C10orf90: variants seen among roughly 807,000 people sequenced by gnomAD.
C10orf90 encodes chromosome 10 open reading frame 90.
Under a neutral mutation model 62.5 loss-of-function variants are expected in C10orf90, and 56 were observed. The observed-to-expected ratio is 0.90, with a 90% confidence interval of 0.72 to 1.12. C10orf90 has a LOEUF of 1.12. Ranked by LOEUF, C10orf90 falls within the 50% of genes most tolerant of loss-of-function variation. The probability of loss-of-function intolerance (pLI) is 0.00; values close to 1 mark genes in which losing one functional copy is unlikely to be tolerated. For synonymous variants in C10orf90, 386 were observed against 340.4 expected (o/e 1.13, Z -1.47); for missense variants, 970 against 880.4 (o/e 1.10, Z -1.29).
intron 2 of C10orf90, among the ~76,000 whole-genome samples, chr10:126,621,714 TGTTTTTTCTGAGGCC>T (rs1405277393): frequency 2.0e-5 from 3 of 152,256 alleles, no homozygotes; most frequent in Non-Finnish European, 2.9e-5. Flanking sequence ...TCTTATGGAT[TGTTTTTTCTGAGGCC>T]GTTCCACTCA....
At chr10:126,576,081 C>T (rs7897423) in intron 2 of C10orf90, among the ~76,000 whole-genome samples, 5,214 of 152,008 alleles carry the variant, frequency 0.034, 304 homozygotes, top group African/African-American at 0.12. Flanking sequence ...TGGGATTATA[C>T]AGCAAACTGA....
intron 6 of C10orf90, among the ~76,000 whole-genome samples, 188 bp downstream of exon 6, chr10:126,461,213 T>C (rs1299699533): frequency 6.6e-6 from 1 of 152,186 alleles, no homozygotes; most frequent in African/African-American, 2.4e-5. Context: ...TCAGTGTCAT[T>C]ATCTCCATTA....
At chr10:126,438,151 T>G (rs1011258320) in intron 7 of C10orf90, among the ~76,000 whole-genome samples, 1 of 152,150 alleles carries the variant, frequency 6.6e-6, no homozygotes, top group African/African-American at 2.4e-5. Flanking sequence ...GCAAGCTTCC[T>G]GTGAGGCAAA....
chr10:126,517,514 T>G (rs906871031), intron 2 of C10orf90, among the ~76,000 whole-genome samples: 2 of 152,188 alleles, frequency 1.3e-5, no homozygotes, highest in African/African-American at 4.8e-5. Context: ...GCTGGGGAAC[T>G]GCCCCATACC....
chr10:126,532,989 G>C (rs980779588), intron 2 of C10orf90, among the ~76,000 whole-genome samples: 14 of 150,910 alleles, frequency 9.3e-5, no homozygotes, highest in Non-Finnish European at 1.8e-4. Flanking sequence ...CTGGAGTGCA[G>C]TGGCGCTATC....
intron 2 of C10orf90, among the ~76,000 whole-genome samples, chr10:126,572,574 G>A (rs907727122): frequency 2.0e-5 from 3 of 152,064 alleles, no homozygotes; most frequent in Non-Finnish European, 4.4e-5. Context: ...ATGCTGGTGG[G>A]AGTGGAGCAG....
At chr10:126,649,418 G>C (rs1846247584) in intron 1 of C10orf90, among the ~76,000 whole-genome samples, 1 of 151,808 alleles carries the variant, frequency 6.6e-6, no homozygotes, top group South Asian at 2.1e-4. Flanking sequence ...TCACTCACTG[G>C]GCATCTCTCT....
chr10:126,497,476 G>A (rs905728057), intron 4 of C10orf90, among the ~76,000 whole-genome samples: 3 of 152,116 alleles, frequency 2.0e-5, no homozygotes, highest in Non-Finnish European at 4.4e-5. Context: ...TCTAAGAATC[G>A]ACCAGAGAAG....
intron 2 of C10orf90, among the ~76,000 whole-genome samples, chr10:126,606,895 T>C (rs7094431): frequency 0.023 from 3,436 of 152,194 alleles, 133 homozygotes; most frequent in African/African-American, 0.076. Flanking sequence ...ACAATAGCCA[T>C]CAGAAGAGTC....
chr10:126,490,342 A>C (rs1861700583), intron 4 of C10orf90, among the ~76,000 whole-genome samples: 4 of 151,672 alleles, frequency 2.6e-5, no homozygotes, highest in Admixed American at 1.3e-4. Context: ...GACAGAAAGC[A>C]GAGTGGTCAT....
intron 2 of C10orf90, among the ~76,000 whole-genome samples, chr10:126,549,960 T>TC (rs34193474): frequency 0.32 from 46,861 of 146,776 alleles, 7,552 homozygotes; most frequent in East Asian, 0.4. Context: ...AAGCTTTCTT[T>TC]TTTTTTTTTT....
rs116055525 is a variant in C10orf90, at chr10:126,467,066, G to A, written c.1535-2080C>T. On this transcript the variant is annotated intron_variant, in intron 4 of 9. Transcript: ENST00000488181. ...GTGATATGGATCCATCCTGGAGTAT[G>A]ATTTTTTAAATTAATGTATTTATTT... is the stretch of plus-strand genomic sequence containing the variant. 2.8e-3 allele frequency among the ~76,000 whole-genome samples: 433 copies of A among 152,308 alleles called. 1 individual carries two copies. The highest frequency in any genetic ancestry group is 9.8e-3 in the African/African-American group (409 of 41,558).
chr10:126,466,768 T>C (rs1860312340), intron 4 of C10orf90, among the ~76,000 whole-genome samples: 2 of 152,240 alleles, frequency 1.3e-5, no homozygotes, highest in Non-Finnish European at 2.9e-5. Context: ...CAGGCCCCAG[T>C]GTTGGATACA....
Position 126,588,651 on chromosome 10 carries a change from G to GCAA in C10orf90, c.313+57911_313+57913dup, listed in dbSNP as rs201934173. On this transcript the variant is annotated intron_variant, in intron 2 of 9. Transcript: ENST00000488181. ...AACAAAACAAAACAAAAAACAGAAA[G>GCAA]CAACAACAACAACATTAACAAAAAA... 2.8e-3 allele frequency among the ~76,000 whole-genome samples: 420 copies of GCAA among 152,120 alleles called. 10 individuals carry two copies. In the East Asian group the frequency reaches 0.041, roughly 15 times the overall value.
chr10:126,524,034 A>C (rs1272769325), intron 2 of C10orf90, among the ~76,000 whole-genome samples: 1 of 152,222 alleles, frequency 6.6e-6, no homozygotes, highest in East Asian at 1.9e-4. Flanking sequence ...ATGGTTGTAC[A>C]AACATGTATC....
intron 1 of C10orf90, among the ~76,000 whole-genome samples, chr10:126,659,107 C>G (rs533430254): frequency 6.6e-6 from 1 of 152,168 alleles, no homozygotes; most frequent in South Asian, 2.1e-4. Context: ...AGGATATAAG[C>G]ACACGGCATC....
At chr10:126,632,723 T>G (rs1335153022) in intron 2 of C10orf90, among the ~76,000 whole-genome samples, 5 of 152,174 alleles carry the variant, frequency 3.3e-5, no homozygotes, top group Non-Finnish European at 7.4e-5. Context: ...AGGTCTGTAT[T>G]TCCACCTCTA....
chr10:126,619,432 C>T (rs1845604290), intron 2 of C10orf90, among the ~76,000 whole-genome samples: 1 of 152,220 alleles, frequency 6.6e-6, no homozygotes, highest in Admixed American at 6.5e-5. Flanking sequence ...ATGTCAACTG[C>T]TTCAAATCTT....
At chr10:126,438,755 G>C (rs1295465663) in intron 7 of C10orf90, among the ~76,000 whole-genome samples, 1 of 55,796 alleles carries the variant, frequency 1.8e-5, no homozygotes, top group African/African-American at 4.8e-5. Context: ...TGTATGTTGT[G>C]TGTGTGTGTG....
Sources: gnomAD v4.1 joint callset for allele counts (sites outside exome capture counted in the v4.1 genomes callset) on GRCh38, gnomAD v4.1.1 for gene constraint, MANE v1.5 for transcripts, NCBI Gene and HGNC (gene_info 2026-07-23, HGNC 2026-07-21) for gene names.